The following PTH2R variants were observed in gnomAD, a reference collection of about 807,000 sequenced individuals.
PTH2R encodes parathyroid hormone 2 receptor, also known as PTH2 receptor.
PTH2R carries 59 observed loss-of-function variants against 60.3 expected under a neutral mutation model. The ratio of observed to expected loss-of-function variants is 0.98; its 90% CI spans 0.79 to 1.22. The LOEUF (loss-of-function observed/expected upper bound fraction) is 1.22. Ranked by LOEUF, PTH2R falls within the 50% of genes most tolerant of loss-of-function variation. The probability of loss-of-function intolerance (pLI) is 0.00; values close to 1 mark genes in which losing one functional copy is unlikely to be tolerated. For missense variants in PTH2R, 749 were observed against 682.6 expected, an observed-to-expected ratio of 1.10 and a Z score of -1.08; for synonymous variants, 256 against 243.8, an observed-to-expected ratio of 1.05 and a Z score of -0.47.
intron 1 of PTH2R, among the ~76,000 whole-genome samples, chr2:208,387,887 G>A: frequency 6.6e-6 from 1 of 152,222 alleles, no homozygotes; most frequent in East Asian, 1.9e-4. Context: ...GATGCTGCCA[G>A]TGGCAGAACC....
chr2:208,456,786 T>C (rs1461836829), intron 8 of PTH2R, among the ~76,000 whole-genome samples: 1 of 152,222 alleles, frequency 6.6e-6, no homozygotes, highest in African/African-American at 2.4e-5. Context: ...TTCTGGGACA[T>C]GTTAACAAAG....
intron 4 of PTH2R, among the ~76,000 whole-genome samples, chr2:208,441,479 G>A (rs6748418): frequency 0.033 from 5,026 of 152,174 alleles, 259 homozygotes; most frequent in African/African-American, 0.11. Flanking sequence ...CATGGAAAAC[G>A]CTTGTTGAGT....
intron 2 of PTH2R, among the ~76,000 whole-genome samples, chr2:208,430,939 T>C (rs1701959179): frequency 6.6e-6 from 1 of 152,142 alleles, no homozygotes; most frequent in Non-Finnish European, 1.5e-5. Context: ...TATAGATTCA[T>C]TGGATTTCCT....
At chr2:208,406,517 AG>A (rs1701409669), upstream of PTH2R, among the ~76,000 whole-genome samples, 1 of 152,174 alleles carries the variant, frequency 6.6e-6, no homozygotes, top group Non-Finnish European at 1.5e-5. Context: ...CACGCAGGAC[AG>A]GAAGAAACTT....
rs934089183 is a variant in PTH2R, at chr2:208,445,010, T to C, written c.853+123T>C. On this transcript the variant is annotated intron_variant, in intron 7 of 12. Coordinates refer to ENST00000272847, the MANE Select transcript of PTH2R (RefSeq NM_005048.4). ...AACAATCCCTCCCATTCTTATTTTT[T>C]ATCTCCCTTTTATTGTTCTATTCTT... 6.8e-5 allele frequency: 70 copies of C among 1,027,044 alleles called. No individual in the cohort carries two copies. In the African/African-American group the frequency reaches 1.1e-3, roughly 16 times the overall value. 63.6% of individuals were successfully genotyped at this position (1,027,044 alleles called of 1,614,324 possible). A position where few individuals can be genotyped will look rare whatever the true frequency, so the allele number is the denominator to read the frequency against.
At position 208,493,727 on chromosome 2, in the gene PTH2R, A is replaced by G; in HGVS notation, c.*68A>G. 1 of 1,466,664 alleles carries G rather than the reference A, an allele frequency of 6.8e-7. No individual in the cohort carries two copies. Among genetic ancestry groups the G allele is most frequent in the South Asian group, 1.5e-5 (1 of 67,906 alleles). The allele number at this position is 1,466,664 out of a possible 1,614,324, so 90.9% of individuals were successfully genotyped here. On this transcript the variant is annotated 3_prime_UTR_variant, in exon 13 of 13. Coordinates refer to ENST00000272847, the MANE Select transcript of PTH2R (RefSeq NM_005048.4). ...GGTTGTGTGAGAGGGCTTGGCTGATACTCCTATGCTTGAGTTCAAAGGCTG... is the reference window on the plus strand; with the variant it reads ...GGTTGTGTGAGAGGGCTTGGCTGATGCTCCTATGCTTGAGTTCAAAGGCTG...
intron 9 of PTH2R, among the ~76,000 whole-genome samples, chr2:208,471,732 T>G (rs992524461): frequency 5.9e-5 from 9 of 152,210 alleles, no homozygotes; most frequent in African/African-American, 2.2e-4. Context: ...CTAGTGGAGC[T>G]GTGAGAAGAG....
At chr2:208,409,895 A>G (rs1488014450) in intron 1 of PTH2R, among the ~76,000 whole-genome samples, 3 of 152,130 alleles carry the variant, frequency 2.0e-5, no homozygotes, top group African/African-American at 7.2e-5. Flanking sequence ...AGACTGTAGG[A>G]TGGAATTGGG....
At chr2:208,376,054 G>A (rs1440891652) in intron 1 of PTH2R, among the ~76,000 whole-genome samples, 1 of 152,058 alleles carries the variant, frequency 6.6e-6, no homozygotes, top group African/African-American at 2.4e-5. Context: ...ACCTGGGCAT[G>A]GCCTTTTATT....
chr2:208,396,145 T>C (rs1378901451), intron 1 of PTH2R, among the ~76,000 whole-genome samples: 1 of 152,188 alleles, frequency 6.6e-6, no homozygotes, highest in Non-Finnish European at 1.5e-5. Context: ...CCTTACACCT[T>C]ATATAAAAAT....
intron 9 of PTH2R, among the ~76,000 whole-genome samples, chr2:208,472,389 C>T (rs776913130): frequency 3.3e-5 from 5 of 152,170 alleles, no homozygotes; most frequent in Non-Finnish European, 5.9e-5. Context: ...TGCTCCAGTT[C>T]GCAACAAGTT....
intron 1 of PTH2R, among the ~76,000 whole-genome samples, chr2:208,408,744 G>A (rs62193660): frequency 2.9e-4 from 23 of 79,074 alleles, no homozygotes; most frequent in Admixed American, 4.6e-4. Context: ...GAGAGAAAGA[G>A]AGAGAGAGAG....
intron 7 of PTH2R, among the ~76,000 whole-genome samples, chr2:208,445,178 A>C (rs919185229): frequency 2.0e-5 from 3 of 152,212 alleles, no homozygotes; most frequent in African/African-American, 7.2e-5. Flanking sequence ...AGCCATACAC[A>C]TGTACAACTA....
chr2:208,458,531 A>G (rs984807983), intron 8 of PTH2R, among the ~76,000 whole-genome samples: 4 of 152,114 alleles, frequency 2.6e-5, no homozygotes, highest in African/African-American at 9.7e-5. Context: ...TGTTGTACAT[A>G]ATATTACATC....
intron 8 of PTH2R, among the ~76,000 whole-genome samples, chr2:208,451,754 A>T (rs763137216): frequency 6.6e-6 from 1 of 152,200 alleles, no homozygotes; most frequent in Non-Finnish European, 1.5e-5. Context: ...AAGTTCTTCC[A>T]GGTAGCATGG....
intron 1 of PTH2R, among the ~76,000 whole-genome samples, chr2:208,374,999 A>C (rs1700768601): frequency 6.6e-6 from 1 of 152,094 alleles, no homozygotes; most frequent in Non-Finnish European, 1.5e-5. Flanking sequence ...TGAGGTGAAG[A>C]CTGATGAGGT....
At chr2:208,398,448 T>G (rs959243701) in intron 1 of PTH2R, among the ~76,000 whole-genome samples, 2 of 152,234 alleles carry the variant, frequency 1.3e-5, no homozygotes, top group African/African-American at 4.8e-5. Context: ...CTGTCAATGT[T>G]CCAATCATTT....
rs577817764 is a variant in PTH2R at position 208,493,369 on chromosome 2, G to A, written c.1363G>A (p.Val455Met). 3.1e-5 allele frequency: 50 copies of A among 1,606,968 alleles called. No individual in the cohort carries two copies. In the East Asian group the frequency reaches 5.6e-4, roughly 18 times the overall value. The change falls in exon 13 of 13, where the codon GTG becomes ATG. Residue 455 changes from valine (V) to methionine (M), a missense_variant. Val to Met is a conservative substitution (Grantham distance 21). Transcript: ENST00000272847. ...CAGATGCGGCTCAGTGCTCACCACC[G>A]TGACGCACAGCACCAGCAGCCAGTC... ...SRRCGSVLTT[V>M]THSTSSQSQV... is the part of the protein sequence containing the mutation.
At chr2:208,364,800 G>A (rs992823376) in intron 1 of PTH2R, among the ~76,000 whole-genome samples, 2 of 152,032 alleles carry the variant, frequency 1.3e-5, no homozygotes, top group African/African-American at 2.4e-5. Context: ...ATCCATGAAT[G>A]TGAGATGTTT....
Sources: allele counts gnomAD v4.1 joint callset (sites outside exome capture counted in the v4.1 genomes callset), GRCh38; gene constraint gnomAD v4.1.1; transcripts MANE v1.5; gene names NCBI Gene and HGNC (gene_info 2026-07-23, HGNC 2026-07-21).